Variants in TCERG1L observed in about 807,000 individuals in gnomAD.
The protein encoded by TCERG1L is transcription elongation regulator 1 like.
Under a neutral mutation model 56.3 loss-of-function variants are expected in TCERG1L, and 37 were observed. The observed-to-expected ratio is 0.66, with a 90% CI of 0.51 to 0.87. The LOEUF (loss-of-function observed/expected upper bound fraction) is 0.87. Ranked by LOEUF, TCERG1L falls within the 40% of genes least tolerant of loss-of-function variation. The pLI is 0.00. For missense variants in TCERG1L, 799 were observed against 774.2 expected (o/e 1.03, Z -0.38); for synonymous variants, 324 against 326.3 (o/e 0.99, Z 0.08).
chr10:131,199,759 C>T (rs1029408346), intron 4 of TCERG1L, among the ~76,000 whole-genome samples: 4 of 152,162 alleles, frequency 2.6e-5, no homozygotes, highest in South Asian at 2.1e-4. Flanking sequence ...CTGTGTTCAG[C>T]AGTGCACAGC....
intron 11 of TCERG1L, among the ~76,000 whole-genome samples, chr10:131,094,754 GA>G (rs1217909830): frequency 2.0e-5 from 3 of 150,582 alleles, no homozygotes; most frequent in African/African-American, 7.4e-5. Context: ...TTCCTTTACT[GA>G]TGTAACCACC....
chr10:131,158,777 C>T (rs141133454), intron 6 of TCERG1L, among the ~76,000 whole-genome samples: 380 of 152,332 alleles, frequency 2.5e-3, no homozygotes, highest in Admixed American at 7.2e-3. Flanking sequence ...GAGTGCCAAG[C>T]GGACCATCGC....
In TCERG1L at chr10:131,311,445, G is replaced by T; in HGVS notation, c.191C>A (p.Ala64Asp). Reference sequence around the variant, plus strand: ...CGGGGCCGCGGGCGGCGGGGCCGAGGCGAGCAGCACCGGGGGAACCACGAC... The same window carrying T: ...CGGGGCCGCGGGCGGCGGGGCCGAGTCGAGCAGCACCGGGGGAACCACGAC... ...AGVVVPPVLL[A>D]SAPPPAAPLL... Residue 64 changes from alanine to aspartate, a missense_variant, in exon 1 of 12, where the codon GCC (alanine) becomes GAC (aspartate). Transcript: ENST00000368642. The surrounding 1 kb of genome is among the most constrained non-coding windows in gnomAD (Gnocchi z 4.0). 8.5e-7 allele frequency: 1 copy of T among 1,176,776 alleles called. No homozygotes were observed. The highest frequency in any genetic ancestry group is 1.0e-6 in the Non-Finnish European group (1 of 954,094). The allele number at this position is 1,176,776 out of a possible 1,614,324, so 72.9% of individuals were successfully genotyped here. A position where few individuals can be genotyped will look rare whatever the true frequency, so the allele number is the denominator to read the frequency against.
rs200302292 is a variant in TCERG1L at position 131,227,158 on chromosome 10, C to G, written c.856+33101G>C. ...CATAGGGCATGGCCATGGGCCCTAG[C>G]AAGGGCCTTTGTTTAATGTGGCACT... On this transcript the variant is annotated intron_variant, in intron 4 of 11. Transcript: ENST00000368642. Among the ~76,000 whole-genome samples, 45 of 152,358 alleles carry G rather than the reference C, an allele frequency of 3.0e-4. 1 individual carries two copies. The East Asian group carries it at 7.1e-3, about 24-fold the overall frequency.
chr10:131,094,291 G>A (rs1232373661), intron 11 of TCERG1L, among the ~76,000 whole-genome samples: 4 of 152,238 alleles, frequency 2.6e-5, no homozygotes, highest in Non-Finnish European at 4.4e-5. Flanking sequence ...TGGGCAGTGT[G>A]CTCTGGGGTG....
chr10:131,266,712 G>A (rs950175026), intron 3 of TCERG1L, among the ~76,000 whole-genome samples: 5 of 152,084 alleles, frequency 3.3e-5, no homozygotes, highest in African/African-American at 1.2e-4. Flanking sequence ...AGCAGAGAGG[G>A]TAGCTTCTGC....
intron 4 of TCERG1L, among the ~76,000 whole-genome samples, chr10:131,258,928 A>G (rs1190934982): frequency 2.0e-5 from 3 of 152,154 alleles, no homozygotes; most frequent in Non-Finnish European, 4.4e-5. Context: ...ATACATGTCA[A>G]TGTACTAGTA....
At chr10:131,253,801 G>A (rs191076099) in intron 4 of TCERG1L, among the ~76,000 whole-genome samples, 6 of 152,136 alleles carry the variant, frequency 3.9e-5, no homozygotes, top group South Asian at 4.1e-4. Flanking sequence ...AAGAGTCAAC[G>A]AGAGGTAACT....
intron 4 of TCERG1L, among the ~76,000 whole-genome samples, chr10:131,185,698 C>T (rs1845233088): frequency 6.6e-6 from 1 of 152,048 alleles, no homozygotes; most frequent in Non-Finnish European, 1.5e-5. Context: ...ACACATTAAA[C>T]TCACTAGAAA....
intron 4 of TCERG1L, among the ~76,000 whole-genome samples, chr10:131,206,668 T>C (rs1433806971): frequency 6.6e-6 from 1 of 152,030 alleles, no homozygotes; most frequent in East Asian, 1.9e-4. Flanking sequence ...AAGAGCATCG[T>C]GAGGGGTGCA....
At chr10:131,142,453 C>T (rs12266641) in intron 7 of TCERG1L, among the ~76,000 whole-genome samples, 221 of 152,360 alleles carry the variant, frequency 1.5e-3, no homozygotes, top group African/African-American at 5.0e-3. Flanking sequence ...GACAATTTTA[C>T]ATCCTACTTG....
intron 4 of TCERG1L, among the ~76,000 whole-genome samples, chr10:131,217,323 G>A (rs1845680126): frequency 6.6e-6 from 1 of 152,134 alleles, no homozygotes; most frequent in Non-Finnish European, 1.5e-5. Context: ...CTTTTGTCAT[G>A]ATTGTAAGTT....
At chr10:131,287,018 G>A (rs1166758920) in intron 3 of TCERG1L, among the ~76,000 whole-genome samples, 2 of 152,156 alleles carry the variant, frequency 1.3e-5, no homozygotes, top group Non-Finnish European at 2.9e-5. Flanking sequence ...TTACATGCTG[G>A]AATAATAATG....
intron 3 of TCERG1L, among the ~76,000 whole-genome samples, chr10:131,302,513 C>T (rs549774542): frequency 5.3e-5 from 8 of 151,848 alleles, no homozygotes; most frequent in East Asian, 1.9e-4. Flanking sequence ...TACCTTGAAA[C>T]GGCTCTGCGA....
At chr10:131,093,565 G>A (rs987008990) in intron 11 of TCERG1L, among the ~76,000 whole-genome samples, 4 of 152,102 alleles carry the variant, frequency 2.6e-5, no homozygotes, top group African/African-American at 9.7e-5. Context: ...CTCCGGAAAT[G>A]AGCGGCCCCC....
chr10:131,116,857 A>T lies in TCERG1L; in HGVS notation c.1337T>A (p.Ile446Asn). 1 of 1,587,174 alleles carries T rather than the reference A, an allele frequency of 6.3e-7. No individual in the cohort carries two copies. The highest frequency in any genetic ancestry group is 1.3e-5 in the African/African-American group (1 of 74,494). The change falls in exon 9 of 12, where the codon ATC becomes AAC. Residue 446 changes from isoleucine to asparagine, a missense_variant. Physicochemically the swap from Ile to Asn is moderately radical, Grantham distance 149 (BLOSUM62 -3). Transcript: ENST00000368642. ...DKGTRTPPPQ[I>N]LLPLEERVTH... ...CACACGCTCCTCCAGAGGCAGGAGG[A>T]TCTGCGGGGGCGGCGTCCTTGTGCC... is the stretch of plus-strand genomic sequence containing the variant.
rs566717527 is a variant in TCERG1L, at chr10:131,242,260, T to C, written c.856+17999A>G. Among the ~76,000 whole-genome samples, 257 of 152,212 alleles carry C rather than the reference T, an allele frequency of 1.7e-3. 1 individual carries two copies. The highest frequency in any genetic ancestry group is 3.0e-3 in the Non-Finnish European group (203 of 68,032). ...AGGAGCTGCTGAGAGTATAGACATC[T>C]AGAATATGGATGCTGTGAGGAGTGA... On this transcript the variant is annotated intron_variant, in intron 4 of 11. Coordinates refer to ENST00000368642, the MANE Select transcript of TCERG1L (RefSeq NM_174937.4).
intron 6 of TCERG1L, among the ~76,000 whole-genome samples, chr10:131,159,358 G>A (rs1398227029): frequency 6.6e-6 from 1 of 152,160 alleles, no homozygotes; most frequent in East Asian, 1.9e-4. Flanking sequence ...CTGTTGTTGA[G>A]GCCCCTCCCC....
chr10:131,179,814 C>T (rs1845151358), intron 4 of TCERG1L, among the ~76,000 whole-genome samples: 2 of 152,162 alleles, frequency 1.3e-5, no homozygotes, highest in African/African-American at 4.8e-5. Flanking sequence ...GTAGTAGGCT[C>T]TGCGAAGTTA....
Sources: allele counts gnomAD v4.1 joint callset (sites outside exome capture counted in the v4.1 genomes callset), GRCh38; gene constraint gnomAD v4.1.1; non-coding constraint Gnocchi (gnomAD v3.1); transcripts MANE v1.5; gene names NCBI Gene and HGNC (gene_info 2026-07-23, HGNC 2026-07-21).